OPRM1: variants seen among roughly 807,000 people sequenced by gnomAD.
OPRM1 encodes the protein mu-type opioid receptor.
In OPRM1, 27 loss-of-function variants were observed where a neutral mutation model predicts 31.8. That is an observed-to-expected ratio of 0.85 (90% CI 0.63 to 1.17). The LOEUF (loss-of-function observed/expected upper bound fraction) is 1.17, where lower values mean the gene tolerates loss of function less well. OPRM1 is among the 50% of genes most tolerant of loss of function. The pLI is 0.00. For synonymous variants in OPRM1, 196 were observed against 189.9 expected, an observed-to-expected ratio of 1.03 and a Z score of -0.26; for missense variants, 536 against 511.1, an observed-to-expected ratio of 1.05 and a Z score of -0.47.
chr6:154,056,608 G>A (rs1783351306), intron 1 of OPRM1, among the ~76,000 whole-genome samples: 1 of 151,722 alleles, frequency 6.6e-6, no homozygotes, highest in Non-Finnish European at 1.5e-5. Context: ...GAATCTTACG[G>A]TGCCCTTGAA....
chr6:154,195,337 T>G (rs532231585), intron 3 of OPRM1, among the ~76,000 whole-genome samples: 1 of 151,882 alleles, frequency 6.6e-6, no homozygotes, highest in Non-Finnish European at 1.5e-5. Flanking sequence ...TTAATAGAGA[T>G]GGGGTTTCAC....
intron 3 of OPRM1, among the ~76,000 whole-genome samples, chr6:154,202,177 T>C (rs1379737512): frequency 3.9e-5 from 6 of 152,216 alleles, no homozygotes; most frequent in Non-Finnish European, 8.8e-5. Context: ...TTAAGTAGCA[T>C]GACATTAAAA....
intron 1 of OPRM1, among the ~76,000 whole-genome samples, chr6:154,042,079 G>A (rs551023761): frequency 7.9e-5 from 12 of 152,194 alleles, no homozygotes; most frequent in East Asian, 1.9e-4. Flanking sequence ...CTTTATTCTC[G>A]GTACTGAAAG....
At chr6:154,191,120 A>G (rs560203406) in intron 3 of OPRM1, among the ~76,000 whole-genome samples, 1 of 152,306 alleles carries the variant, frequency 6.6e-6, no homozygotes, top group East Asian at 1.9e-4. Context: ...TCATATTACC[A>G]AATGAAAGAA....
chr6:154,064,362 G>T (rs1709348193), intron 1 of OPRM1, among the ~76,000 whole-genome samples: 1 of 151,830 alleles, frequency 6.6e-6, no homozygotes, highest in South Asian at 2.1e-4. Flanking sequence ...TTGAGTTTTG[G>T]GAGTTCTCTA....
At chr6:154,230,754 C>T (rs1779655096) in intron 3 of OPRM1, among the ~76,000 whole-genome samples, 1 of 152,066 alleles carries the variant, frequency 6.6e-6, no homozygotes, top group Non-Finnish European at 1.5e-5. Flanking sequence ...CTTTACACTT[C>T]AATAATTCTG....
At chr6:154,070,502 A>G (rs531565126) in intron 1 of OPRM1, among the ~76,000 whole-genome samples, 1 of 152,218 alleles carries the variant, frequency 6.6e-6, no homozygotes, top group Non-Finnish European at 1.5e-5. Flanking sequence ...AGTAAGAAAA[A>G]TCCAAGTAAA....
At chr6:154,066,416 G>A (rs1470876549) in intron 1 of OPRM1, among the ~76,000 whole-genome samples, 1 of 151,916 alleles carries the variant, frequency 6.6e-6, no homozygotes, top group African/African-American at 2.4e-5. Flanking sequence ...TGTTTATTGG[G>A]AGATGTTTTT....
chr6:154,212,633 T>G (rs1262228542), intron 3 of OPRM1: 1 of 619,970 alleles, frequency 1.6e-6, no homozygotes, highest in South Asian at 2.1e-5. Flanking sequence ...CCCTGAAAAT[T>G]GCACTTGCTC....
intron 3 of OPRM1, among the ~76,000 whole-genome samples, chr6:154,195,240 A>C (rs1249751758): frequency 6.2e-5 from 9 of 144,796 alleles, no homozygotes; most frequent in East Asian, 2.1e-4. Context: ...CTCCGCCTCC[A>C]GGGTTCACAC....
chr6:154,117,232 T>C (rs1562487506), intron 3 of OPRM1, among the ~76,000 whole-genome samples: 2 of 152,204 alleles, frequency 1.3e-5, no homozygotes, highest in African/African-American at 2.4e-5. Context: ...TGCCTTTTTA[T>C]TCTTCCAAAA....
At chr6:154,093,479 C>G in intron 3 of OPRM1, 1 of 1,610,804 alleles carries the variant, frequency 6.2e-7, no homozygotes, top group Non-Finnish European at 8.5e-7. Flanking sequence ...CGACACTGCC[C>G]TTGACTCCCT....
intron 2 of OPRM1, 92 bp from the exon 3 acceptor site, chr6:154,090,860 G>C: frequency 8.6e-7 from 1 of 1,159,330 alleles, no homozygotes; most frequent in Non-Finnish European, 1.2e-6. Context: ...TCTGGTCAAG[G>C]CTAAAAATGA....
chr6:154,044,694 TAAG>T (rs1780760664), intron 1 of OPRM1, among the ~76,000 whole-genome samples: 1 of 152,194 alleles, frequency 6.6e-6, no homozygotes, highest in Non-Finnish European at 1.5e-5. Flanking sequence ...TCTCTACTGC[TAAG>T]AAGAAAATAC....
At chr6:154,149,972 C>T (rs1288428042) in intron 3 of OPRM1, among the ~76,000 whole-genome samples, 7 of 152,334 alleles carry the variant, frequency 4.6e-5, no homozygotes, top group African/African-American at 1.7e-4. Context: ...GCTAATAGCC[C>T]CCTCACCAGC....
intron 3 of OPRM1, among the ~76,000 whole-genome samples, chr6:154,235,008 C>T (rs1185609913): frequency 6.6e-6 from 1 of 152,156 alleles, no homozygotes; most frequent in African/African-American, 2.4e-5. Flanking sequence ...GGGCTGGTCT[C>T]TGCACCAGCA....
chr6:154,083,224 C>T (rs963205265), intron 1 of OPRM1, among the ~76,000 whole-genome samples: 16 of 152,140 alleles, frequency 1.1e-4, no homozygotes, highest in African/African-American at 3.6e-4. Context: ...CCCTCCAACC[C>T]AGTTTCCAAT....
chr6:154,235,683 C>T (rs1054537604), intron 3 of OPRM1, among the ~76,000 whole-genome samples: 3 of 152,104 alleles, frequency 2.0e-5, no homozygotes, highest in Non-Finnish European at 2.9e-5. Context: ...TGAGTTTCGT[C>T]TGTACTATTA....
In OPRM1 at chr6:154,127,096, G is replaced by A. The variant is rs1481742724; in HGVS notation, c.*8375G>A. Among the ~76,000 whole-genome samples the A allele has an allele frequency of 1.1e-5, 1 of 94,670 alleles. No homozygotes were observed. The highest frequency in any genetic ancestry group is 2.1e-5 in the Non-Finnish European group (1 of 47,578). 62.1% of individuals were successfully genotyped at this position (94,670 alleles called of 152,430 possible). ...TGCACTCCAGCCTGGGCAACAGAAT[G>A]AGATTGTCTCAAAAAAAAAAAAAAG... On this transcript the variant is annotated 3_prime_UTR_variant, in exon 4 of 4. Coordinates refer to ENST00000330432, the MANE Select transcript of OPRM1 (RefSeq NM_000914.5).
Sources: gnomAD v4.1 joint callset for allele counts (sites outside exome capture counted in the v4.1 genomes callset) on GRCh38, gnomAD v4.1.1 for gene constraint, MANE v1.5 for transcripts, NCBI Gene and HGNC (gene_info 2026-07-23, HGNC 2026-07-21) for gene names.